The following ANKRD53 variants were observed in gnomAD, a reference collection of about 807,000 sequenced individuals.
ANKRD53 encodes ankyrin repeat domain 53.
A neutral mutation model predicts 30.1 loss-of-function variants in ANKRD53; 27 were observed. That is an observed-to-expected ratio of 0.90 (90% CI 0.66 to 1.24). The LOEUF is 1.24. Among genes scored for constraint, ANKRD53 ranks in the 50% most tolerant of loss-of-function variants. The probability of loss-of-function intolerance (pLI) is 0.00; values close to 1 mark genes in which losing one functional copy is unlikely to be tolerated. For missense variants in ANKRD53, 682 were observed against 721.0 expected, an observed-to-expected ratio of 0.95 and a Z score of 0.62; for synonymous variants, 286 against 295.4, an observed-to-expected ratio of 0.97 and a Z score of 0.33.
At position 70,985,494 on chromosome 2, in the gene ANKRD53, C is replaced by CG; in HGVS notation, c.*194_*195insG. Reference sequence around the variant, plus strand: ...CTCTGCAAATAAATCTCTTGGCACCCCCCCACCGCCGCCAGGAAATCCAAG... The same window carrying CG: ...CTCTGCAAATAAATCTCTTGGCACCCGCCCCACCGCCGCCAGGAAATCCAAG... On this transcript the variant is annotated 3_prime_UTR_variant, in exon 6 of 6. Coordinates refer to ENST00000360589, the MANE Select transcript of ANKRD53 (RefSeq NM_001115116.2). The CG allele has an allele frequency of 5.1e-6, 3 of 584,804 alleles. No homozygotes were observed. Among genetic ancestry groups the CG allele is most frequent in the Non-Finnish European group, 8.9e-6 (3 of 336,070 alleles). 36.2% of individuals were successfully genotyped at this position (584,804 alleles called of 1,614,324 possible). A position where few individuals can be genotyped will look rare whatever the true frequency, so the allele number is the denominator to read the frequency against.
At chr2:70,980,986 C>T (rs575102396) in intron 3 of ANKRD53, among the ~76,000 whole-genome samples, 1 of 152,282 alleles carries the variant, frequency 6.6e-6, no homozygotes, top group East Asian at 1.9e-4. Flanking sequence ...GTGTTCCAAT[C>T]CAAAGGCTGT....
chr2:70,984,546 C>A, intron 5 of ANKRD53, 65 bp from the exon 6 acceptor site: 1 of 1,569,824 alleles, frequency 6.4e-7, no homozygotes, highest in South Asian at 1.2e-5. Context: ...AGCCACAGGA[C>A]CTCCTTGCCC....
rs538081467 is a variant in ANKRD53, at chr2:70,985,009, G to A, written c.1302G>A (p.Ala434=). 3.0e-5 allele frequency: 46 copies of A among 1,548,936 alleles called. No individual in the cohort carries two copies. The highest frequency in any genetic ancestry group is 1.1e-4 in the South Asian group (9 of 83,954). ...LEVRPDGHGG[A]RLHTVDGHWV... is the part of the protein sequence containing the mutation. The stretch of plus-strand genomic sequence containing the variant: ...TGAGGCCTGATGGGCACGGCGGTGC[G>A]CGGCTGCACACAGTGGACGGCCACT... The change falls in exon 6 of 6, where the codon GCG becomes GCA. Residue 434 remains alanine (A), a synonymous_variant. Transcript: ENST00000360589.
upstream of ANKRD53, chr2:70,978,591 C>T (rs1019739989): frequency 4.1e-4 from 585 of 1,422,540 alleles, no homozygotes; most frequent in Non-Finnish European, 5.1e-4. The surrounding 1 kb of genome is among the most constrained non-coding windows in gnomAD (Gnocchi z 4.3). Context: ...GGGGGCGGGG[C>T]GCCGGCGGGT....
At chr2:70,983,787 G>A (rs921554425) in intron 5 of ANKRD53, among the ~76,000 whole-genome samples, 5 of 152,204 alleles carry the variant, frequency 3.3e-5, no homozygotes, top group African/African-American at 4.8e-5. Flanking sequence ...CTAAAGGAAA[G>A]CCATATGCTG....
Position 70,984,740 on chromosome 2 carries a change from C to G in ANKRD53, c.1033C>G (p.Arg345Gly). ...ATALSKTPEQ[R>G]ESQRSRSFHP... ...CGCCCTCTCCAAGACCCCAGAGCAA[C>G]GGGAATCGCAGCGTTCCAGGAGCTT... Residue 345 changes from arginine (R) to glycine (G), a missense_variant, in exon 6 of 6, where the codon CGG becomes GGG. Arg to Gly is a moderately radical substitution (Grantham distance 125). Transcript: ENST00000360589. The G allele has an allele frequency of 6.2e-7, 1 of 1,601,840 alleles. No individual in the cohort carries two copies. The highest frequency in any genetic ancestry group is 8.5e-7 in the Non-Finnish European group (1 of 1,173,708).
At chr2:70,984,352 C>A in intron 5 of ANKRD53, 1 of 1,599,324 alleles carries the variant, frequency 6.3e-7, no homozygotes, top group Admixed American at 1.8e-5. Flanking sequence ...ATTGGAGATC[C>A]CCCCTTTGGG....
In ANKRD53 at chr2:70,985,336, A is replaced by C. The variant is rs1553424722; in HGVS notation, c.*36A>C. ...GCTACCTCTCCCCCTGAGGCAGCCCAGTGAAGGCTGAAGTGTGGCAATTCA... is the reference window on the plus strand; with the variant it reads ...GCTACCTCTCCCCCTGAGGCAGCCCCGTGAAGGCTGAAGTGTGGCAATTCA... On this transcript the variant is annotated 3_prime_UTR_variant, in exon 6 of 6. Transcript: ENST00000360589. 1 of 1,433,296 alleles carries C rather than the reference A, an allele frequency of 7.0e-7. No individual in the cohort carries two copies. The allele number at this position is 1,433,296 out of a possible 1,614,324, so 88.8% of individuals were successfully genotyped here.
Position 70,982,711 on chromosome 2 carries a change from CA to C in ANKRD53, c.903+15del. ...ATTGAGTATCAAGTAAGGGGGACAG[CA>C]GGGGGGCCAGGGGACAGCTGCTATC... is the stretch of plus-strand genomic sequence containing the variant. On this transcript the variant is annotated intron_variant, in intron 5 of 5. Transcript: ENST00000360589. The surrounding 1 kb of genome is among the most constrained non-coding windows in gnomAD (Gnocchi z 4.2). 1.2e-6 allele frequency: 2 copies of C among 1,612,282 alleles called. No individual in the cohort carries two copies. Among genetic ancestry groups the C allele is most frequent in the South Asian group, 2.2e-5 (2 of 90,994 alleles).
In ANKRD53 at chr2:70,984,962, G is replaced by A. The variant is rs782364072; in HGVS notation, c.1255G>A (p.Asp419Asn). Residue 419 changes from aspartate (D) to asparagine (N), a missense_variant, in exon 6 of 6, where the codon GAC (aspartate) becomes AAC (asparagine). Asp to Asn is a conservative substitution (Grantham distance 23, BLOSUM62 1). Coordinates refer to ENST00000360589, the MANE Select transcript of ANKRD53 (RefSeq NM_001115116.2). ...GCATCCAGACCCCACTCCGGAGCACGACTTCAGCAGCTTCCTGGAGGTGAG... is the reference window on the plus strand; with the variant it reads ...GCATCCAGACCCCACTCCGGAGCACAACTTCAGCAGCTTCCTGGAGGTGAG... ...GVHPDPTPEHDFSSFLEVRPD... is the reference protein window; with the variant it reads ...GVHPDPTPEHNFSSFLEVRPD... 28 of 1,549,960 alleles carry A rather than the reference G, an allele frequency of 1.8e-5. No individual in the cohort carries two copies. The highest frequency in any genetic ancestry group is 3.3e-4 in the Middle Eastern group (2 of 6,010).
intron 2 of ANKRD53, 39 bp from the exon 3 acceptor site, chr2:70,979,615 ACCTCAGT>A (rs1269524558): frequency 6.4e-7 from 1 of 1,574,594 alleles, no homozygotes. Context: ...GGACCCTGGG[ACCTCAGT>A]CCCACTCAGC....
chr2:70,984,302 G>T, intron 5 of ANKRD53: 3 of 1,613,676 alleles, frequency 1.9e-6, no homozygotes, highest in Non-Finnish European at 2.5e-6. Context: ...ATGTCAAGTT[G>T]GAGTCTCACC....
chr2:70,981,225 T>C (rs1670000282), intron 3 of ANKRD53, among the ~76,000 whole-genome samples: 1 of 152,254 alleles, frequency 6.6e-6, no homozygotes, highest in African/African-American at 2.4e-5. Context: ...CTAAGCACTA[T>C]GCTAGAGTCA....
chr2:70,981,282 C>T (rs1670002573), intron 3 of ANKRD53, among the ~76,000 whole-genome samples: 1 of 151,898 alleles, frequency 6.6e-6, no homozygotes, highest in Non-Finnish European at 1.5e-5. Context: ...AGTAAAGGAG[C>T]AGACAGTGAA....
At position 70,984,981 on chromosome 2, in the gene ANKRD53, AGGTGAGGCCTGATGGGCACGGC is replaced by A. The variant is rs1670135821; in HGVS notation, c.1279_1300del (p.Pro428GlyfsTer34). 1 of 1,549,670 alleles carries A rather than the reference AGGTGAGGCCTGATGGGCACGGC, an allele frequency of 6.5e-7. No homozygotes were observed. The highest frequency in any genetic ancestry group is 8.7e-7 in the Non-Finnish European group (1 of 1,146,532). Reference sequence around the variant, plus strand: ...GAGCACGACTTCAGCAGCTTCCTGGAGGTGAGGCCTGATGGGCACGGCGGTGCGCGGCTGCACACAGTGGACG... The same window carrying A: ...GAGCACGACTTCAGCAGCTTCCTGGAGGTGCGCGGCTGCACACAGTGGACG... On this transcript the variant is annotated frameshift_variant, in exon 6 of 6. Transcript: ENST00000360589. LOFTEE classifies it low-confidence loss of function (END_TRUNC).
chr2:70,984,355 C>A lies in ANKRD53; in HGVS notation c.904-256C>A, dbSNP rs926444512. 1.1e-4 allele frequency: 175 copies of A among 1,594,518 alleles called. 1 individual carries two copies. Among genetic ancestry groups the A allele is most frequent in the East Asian group, 1.6e-4 (7 of 44,814 alleles). On this transcript the variant is annotated intron_variant, in intron 5 of 5. Coordinates refer to ENST00000360589, the MANE Select transcript of ANKRD53 (RefSeq NM_001115116.2). ...CTCTCCCATCAGATTGGAGATCCCC[C>A]CTTTGGGAGAGGTGCTTTGTCTCCC...
intron 2 of ANKRD53, 78 bp downstream of exon 2, chr2:70,979,421 A>G: frequency 6.3e-7 from 1 of 1,588,340 alleles, no homozygotes; most frequent in East Asian, 2.3e-5. Context: ...TGGAGAAGAG[A>G]TATCCTTTTC....
chr2:70,984,926 C>G lies in ANKRD53; in HGVS notation c.1219C>G (p.Arg407Gly). Residue 407 changes from arginine to glycine, a missense_variant, in exon 6 of 6, where the codon CGC (arginine) becomes GGC (glycine). Arg to Gly is a moderately radical substitution (Grantham distance 125). Coordinates refer to ENST00000360589, the MANE Select transcript of ANKRD53 (RefSeq NM_001115116.2). ...TTQISHSQGIRLGVHPDPTPE... is the reference protein window; with the variant it reads ...TTQISHSQGIGLGVHPDPTPE... ...CCAGATCAGCCACTCGCAGGGCATC[C>G]GCCTGGGCGTGCATCCAGACCCCAC... is the stretch of plus-strand genomic sequence containing the variant. 6.4e-7 allele frequency: 1 copy of G among 1,550,850 alleles called. No homozygotes were observed. Among genetic ancestry groups the G allele is most frequent in the South Asian group, 1.2e-5 (1 of 84,064 alleles).
Position 70,978,656 on chromosome 2 carries a change from C to A in ANKRD53, c.11C>A (p.Ala4Glu). 1 of 1,530,830 alleles carries A rather than the reference C, an allele frequency of 6.5e-7. No individual in the cohort carries two copies. Among genetic ancestry groups the A allele is most frequent in the Non-Finnish European group, 8.8e-7 (1 of 1,139,944 alleles). The allele number at this position is 1,530,830 out of a possible 1,614,324, so 94.8% of individuals were successfully genotyped here. Residue 4 changes from alanine (A) to glutamate (E), a missense_variant, in exon 1 of 6, where the codon GCG becomes GAG. Ala to Glu is a moderately radical substitution (Grantham distance 107, BLOSUM62 -1). Coordinates refer to ENST00000360589, the MANE Select transcript of ANKRD53 (RefSeq NM_001115116.2). The surrounding 1 kb of genome is among the most constrained non-coding windows in gnomAD (Gnocchi z 4.3). The part of the protein sequence containing the change: MAS[A>E]GSTARRAGSG... ...AGTTCCAGCCCCGCGATGGCCTCCG[C>A]GGGCAGCACCGCTCGGCGGGCGGGC...
Sources: gnomAD v4.1 joint callset for allele counts (sites outside exome capture counted in the v4.1 genomes callset) on GRCh38, gnomAD v4.1.1 for gene constraint, Gnocchi (gnomAD v3.1) non-coding constraint, MANE v1.5 for transcripts, NCBI Gene and HGNC (gene_info 2026-07-23, HGNC 2026-07-21) for gene names.